Variants in EFNA5 observed in about 807,000 individuals in gnomAD.
The protein encoded by EFNA5 is ephrin-A5.
Under a neutral mutation model 22.9 loss-of-function variants are expected in EFNA5, and 5 were observed. That is an observed-to-expected ratio of 0.22 (90% CI 0.11 to 0.46). EFNA5 has a LOEUF of 0.46. Ranked by LOEUF, EFNA5 falls within the 20% of genes least tolerant of loss-of-function variation. EFNA5 has a pLI of 0.99. For synonymous variants in EFNA5, 113 were observed against 112.2 expected, an observed-to-expected ratio of 1.01 and a Z score of -0.04; for missense variants, 237 against 293.3, an observed-to-expected ratio of 0.81 and a Z score of 1.40.
chr5:107,419,116 C>A (rs3822565), intron 2 of EFNA5, among the ~76,000 whole-genome samples: 1 of 152,142 alleles, frequency 6.6e-6, no homozygotes, highest in African/African-American at 2.4e-5. Context: ...AGCACCTGAG[C>A]TGATGCTGCG....
intron 1 of EFNA5, among the ~76,000 whole-genome samples, chr5:107,431,497 C>T (rs918418244): frequency 2.0e-5 from 3 of 152,076 alleles, no homozygotes; most frequent in African/African-American, 4.8e-5. Context: ...TACGATGCCA[C>T]GGAATAGCCA....
chr5:107,499,910 G>C (rs528595274), intron 1 of EFNA5, among the ~76,000 whole-genome samples: 1 of 152,276 alleles, frequency 6.6e-6, no homozygotes, highest in Middle Eastern at 3.4e-3. Flanking sequence ...ACACCAACTG[G>C]AATATCTGAG....
chr5:107,429,528 A>C (rs1371635078), intron 1 of EFNA5, among the ~76,000 whole-genome samples: 1 of 152,204 alleles, frequency 6.6e-6, no homozygotes, highest in East Asian at 1.9e-4. Flanking sequence ...CTTCCGAGAG[A>C]CAACATTGTG....
intron 2 of EFNA5, among the ~76,000 whole-genome samples, chr5:107,419,824 A>G (rs1748606334): frequency 6.6e-6 from 1 of 152,172 alleles, no homozygotes; most frequent in Non-Finnish European, 1.5e-5. Context: ...CTAAAATAAG[A>G]CTTCAGTAAT....
At chr5:107,433,900 C>CA (rs35303771) in intron 1 of EFNA5, among the ~76,000 whole-genome samples, 4,545 of 130,588 alleles carry the variant, frequency 0.035, 80 homozygotes, top group Middle Eastern at 0.052. Context: ...GACCCTGTCT[C>CA]AAAAAAAAAA....
chr5:107,381,791 T>C (rs567969803), intron 4 of EFNA5, among the ~76,000 whole-genome samples: 1 of 152,320 alleles, frequency 6.6e-6, no homozygotes, highest in African/African-American at 2.4e-5. Context: ...CAGTAGTGGT[T>C]AACCAGAATG....
At chr5:107,548,139 T>A (rs1748209774) in intron 1 of EFNA5, among the ~76,000 whole-genome samples, 1 of 152,176 alleles carries the variant, frequency 6.6e-6, no homozygotes, top group Non-Finnish European at 1.5e-5. Context: ...AGAGGCAAAC[T>A]AACCTACTCA....
At chr5:107,587,081 T>C (rs9328009) in intron 1 of EFNA5, among the ~76,000 whole-genome samples, 6,471 of 152,276 alleles carry the variant, frequency 0.042, 436 homozygotes, top group African/African-American at 0.14. Flanking sequence ...TATGTCTCAG[T>C]AAAATGTAGA....
intron 1 of EFNA5, among the ~76,000 whole-genome samples, chr5:107,458,011 G>A (rs904793058): frequency 6.6e-6 from 1 of 152,108 alleles, no homozygotes; most frequent in African/African-American, 2.4e-5. Context: ...CAAGATTCAA[G>A]TCCCCTTATC....
chr5:107,476,231 T>G (rs2112392804), intron 1 of EFNA5, among the ~76,000 whole-genome samples: 1 of 150,288 alleles, frequency 6.7e-6, no homozygotes, highest in African/African-American at 2.5e-5. Flanking sequence ...TTTTGTGTTT[T>G]TAGTAGAGAT....
At chr5:107,663,477 C>T (rs1195876566) in intron 1 of EFNA5, among the ~76,000 whole-genome samples, 1 of 152,032 alleles carries the variant, frequency 6.6e-6, no homozygotes, top group African/African-American at 2.4e-5. Context: ...TATGACTGTC[C>T]AGAGCATATG....
At chr5:107,605,428 T>G (rs1434587341) in intron 1 of EFNA5, among the ~76,000 whole-genome samples, 1 of 152,122 alleles carries the variant, frequency 6.6e-6, no homozygotes, top group East Asian at 1.9e-4. Context: ...AGCAGAAAAT[T>G]GCACTGTTAG....
intron 1 of EFNA5, among the ~76,000 whole-genome samples, chr5:107,625,363 T>C (rs908097547): frequency 1.3e-5 from 2 of 151,652 alleles, no homozygotes; most frequent in Non-Finnish European, 1.5e-5. Context: ...TTGAATTCAA[T>C]CACCAATTTC....
chr5:107,509,472 C>A (rs1747319260), intron 1 of EFNA5, among the ~76,000 whole-genome samples: 1 of 149,992 alleles, frequency 6.7e-6, no homozygotes, highest in Non-Finnish European at 1.5e-5. Context: ...GCATGTGCCA[C>A]CATGCTTGGC....
chr5:107,445,954 A>G (rs1021531188), intron 1 of EFNA5, among the ~76,000 whole-genome samples: 5 of 152,192 alleles, frequency 3.3e-5, no homozygotes, highest in Admixed American at 6.5e-5. Flanking sequence ...ACTGAGAATA[A>G]ACAACTATTT....
rs184557800 is a variant in EFNA5 at position 107,661,867 on chromosome 5, T to C, written c.125+8622A>G. On this transcript the variant is annotated intron_variant, in intron 1 of 4. Coordinates refer to ENST00000333274, the MANE Select transcript of EFNA5 (RefSeq NM_001962.3). Reference sequence around the variant, plus strand: ...TAGATAACAATTTGCACTATAATTATCCAACCTAACTATGCCATAACCTCA... The same window carrying C: ...TAGATAACAATTTGCACTATAATTACCCAACCTAACTATGCCATAACCTCA... 1.1e-4 allele frequency among the ~76,000 whole-genome samples: 16 copies of C among 152,262 alleles called. No homozygotes were observed. The East Asian group carries it at 3.1e-3, about 29-fold the overall frequency.
intron 1 of EFNA5, among the ~76,000 whole-genome samples, chr5:107,469,269 C>G (rs895919707): frequency 3.3e-5 from 5 of 152,104 alleles, no homozygotes; most frequent in Non-Finnish European, 7.4e-5. Context: ...TAAGAAAGTA[C>G]CAAACCAGTG....
intron 1 of EFNA5, among the ~76,000 whole-genome samples, chr5:107,473,961 ATTTGAC>A (rs1298554211): frequency 6.6e-6 from 1 of 152,068 alleles, no homozygotes; most frequent in Non-Finnish European, 1.5e-5. Flanking sequence ...GCCTGGCCTC[ATTTGAC>A]TTTAACATCC....
At chr5:107,544,712 G>A (rs148972450) in intron 1 of EFNA5, among the ~76,000 whole-genome samples, 138 of 152,198 alleles carry the variant, frequency 9.1e-4, no homozygotes, top group African/African-American at 3.2e-3. Flanking sequence ...CACTCGTCAC[G>A]TCACCCCATA....
Sources: allele counts gnomAD v4.1 joint callset (sites outside exome capture counted in the v4.1 genomes callset), GRCh38; gene constraint gnomAD v4.1.1; transcripts MANE v1.5; gene names NCBI Gene and HGNC (gene_info 2026-07-23, HGNC 2026-07-21).